SORCS3: variants seen among roughly 807,000 people sequenced by gnomAD.
SORCS3 encodes sortilin related VPS10 domain containing receptor 3.
SORCS3 carries 57 observed loss-of-function variants against 146.3 expected under a neutral mutation model. That is an observed-to-expected ratio of 0.39 (90% CI 0.31 to 0.49). The LOEUF (loss-of-function observed/expected upper bound fraction) is 0.49, where lower values mean the gene tolerates loss of function less well. SORCS3 is among the 20% of genes least tolerant of loss of function. SORCS3 has a pLI of 0.92. For missense variants in SORCS3, 1,341 were observed against 1,575.5 expected (o/e 0.85, Z 2.52); for synonymous variants, 653 against 618.5 (o/e 1.06, Z -0.83).
chr10:104,904,095 G>C (rs752956100), intron 2 of SORCS3, among the ~76,000 whole-genome samples: 1 of 151,920 alleles, frequency 6.6e-6, no homozygotes, highest in Non-Finnish European at 1.5e-5. Flanking sequence ...AATATCTTGG[G>C]GTCCTTAGTA....
At chr10:104,770,881 TA>T (rs1316106071) in intron 1 of SORCS3, among the ~76,000 whole-genome samples, 9 of 152,318 alleles carry the variant, frequency 5.9e-5, no homozygotes, top group African/African-American at 1.9e-4. Context: ...TTATTTTTAA[TA>T]ATTTACTTAA....
chr10:105,080,329 A>G (rs1197456874), intron 5 of SORCS3, among the ~76,000 whole-genome samples: 1 of 152,146 alleles, frequency 6.6e-6, no homozygotes, highest in East Asian at 1.9e-4. Context: ...GCTGTTTTTC[A>G]TATGCTTGCT....
intron 5 of SORCS3, among the ~76,000 whole-genome samples, chr10:105,076,553 C>T (rs975403105): frequency 6.6e-6 from 1 of 152,166 alleles, no homozygotes; most frequent in African/African-American, 2.4e-5. Flanking sequence ...ATGCTGGGTG[C>T]ACAGGCAGCC....
chr10:105,015,500 A>G (rs1209398939), intron 4 of SORCS3, among the ~76,000 whole-genome samples: 1 of 152,192 alleles, frequency 6.6e-6, no homozygotes, highest in Non-Finnish European at 1.5e-5. Flanking sequence ...TGGAAAAAAA[A>G]TCACATCAAA....
intron 1 of SORCS3, among the ~76,000 whole-genome samples, chr10:104,791,831 A>G (rs543110722): frequency 3.9e-4 from 59 of 152,314 alleles, no homozygotes; most frequent in Middle Eastern, 3.4e-3. Context: ...TTCTCCATTC[A>G]TAAGCAGATT....
chr10:105,217,912 G>A (rs920378111), intron 19 of SORCS3: 15 of 453,910 alleles, frequency 3.3e-5, no homozygotes, highest in African/African-American at 1.0e-4. Context: ...AGTGATATTC[G>A]TGGGTCTAAG....
At chr10:104,723,249 T>C (rs2016573857) in intron 1 of SORCS3, among the ~76,000 whole-genome samples, 1 of 152,242 alleles carries the variant, frequency 6.6e-6, no homozygotes, top group African/African-American at 2.4e-5. Context: ...CAGTAGTCAT[T>C]CAGGAGCAGG....
chr10:105,006,977 C>A (rs931736350), intron 4 of SORCS3, among the ~76,000 whole-genome samples: 2 of 152,190 alleles, frequency 1.3e-5, no homozygotes, highest in African/African-American at 4.8e-5. Flanking sequence ...TCTCCTTTGA[C>A]CCAGGCTGCA....
intron 1 of SORCS3, among the ~76,000 whole-genome samples, chr10:104,792,408 A>T (rs146364017): frequency 1.7e-3 from 253 of 152,220 alleles, no homozygotes; most frequent in African/African-American, 6.0e-3. Flanking sequence ...TCAGAACCAC[A>T]TTGTTGGTCC....
intron 4 of SORCS3, among the ~76,000 whole-genome samples, chr10:105,009,740 C>CTT (rs140351593): frequency 1.8e-4 from 27 of 149,840 alleles, no homozygotes; most frequent in Non-Finnish European, 3.0e-4. Context: ...CACTTTTTCA[C>CTT]TTTTTTTTTC....
chr10:104,740,414 T>C (rs2016827938), intron 1 of SORCS3, among the ~76,000 whole-genome samples: 2 of 152,244 alleles, frequency 1.3e-5, no homozygotes, highest in Admixed American at 1.3e-4. Flanking sequence ...TCTCACTTAC[T>C]CCTCCTTCTG....
chr10:104,729,286 C>G (rs2016679567), intron 1 of SORCS3, among the ~76,000 whole-genome samples: 1 of 152,172 alleles, frequency 6.6e-6, no homozygotes, highest in Admixed American at 6.5e-5. Flanking sequence ...AAAAGTCTCT[C>G]TAGATTACCC....
chr10:104,827,694 G>A (rs114883027), intron 1 of SORCS3, among the ~76,000 whole-genome samples: 2,286 of 152,268 alleles, frequency 0.015, 59 homozygotes, highest in African/African-American at 0.052. Flanking sequence ...GCCAGGCATT[G>A]AGTTCTCCTC....
intron 2 of SORCS3, among the ~76,000 whole-genome samples, chr10:104,902,386 A>G (rs1192525865): frequency 6.6e-6 from 1 of 152,140 alleles, no homozygotes; most frequent in African/African-American, 2.4e-5. Context: ...GAGGTCATGG[A>G]CTTGAGGAAT....
chr10:105,263,433 T>G lies in SORCS3; in HGVS notation c.*59T>G. 1 of 1,483,680 alleles carries G rather than the reference T, an allele frequency of 6.7e-7. No homozygotes were observed. Among genetic ancestry groups the G allele is most frequent in the Non-Finnish European group, 9.4e-7 (1 of 1,068,708 alleles). The allele number at this position is 1,483,680 out of a possible 1,614,324, so 91.9% of individuals were successfully genotyped here. On this transcript the variant is annotated 3_prime_UTR_variant, in exon 27 of 27. Transcript: ENST00000369701. ...ACTTTTTATTTTTGATGATTACTATTACTATTATTATGGAAAAATTAAAAT... is the reference window on the plus strand; with the variant it reads ...ACTTTTTATTTTTGATGATTACTATGACTATTATTATGGAAAAATTAAAAT...
intron 5 of SORCS3, among the ~76,000 whole-genome samples, chr10:105,046,221 A>G (rs1423250657): frequency 6.6e-6 from 1 of 152,130 alleles, no homozygotes; most frequent in Non-Finnish European, 1.5e-5. Context: ...TGGTATGTAG[A>G]CAAATAGAGT....
At chr10:105,242,815 A>G (rs1185256159) in intron 20 of SORCS3, among the ~76,000 whole-genome samples, 2 of 63,174 alleles carry the variant, frequency 3.2e-5, no homozygotes, top group East Asian at 8.1e-4. Context: ...ATTTATATAT[A>G]TTTTTATATA....
Position 105,209,345 on chromosome 10 carries a change from G to A in SORCS3, c.2262-1792G>A, listed in dbSNP as rs551808827. On this transcript the variant is annotated intron_variant, in intron 16 of 26. Transcript: ENST00000369701. ...TTTAGTAGAGACGGGGTTTCACCAT[G>A]TTGGCCAGGCTGGTCTCAAACTCCT... Among the ~76,000 whole-genome samples the A allele has an allele frequency of 5.3e-5, 8 of 152,126 alleles. No individual in the cohort carries two copies. In the East Asian group the frequency reaches 1.4e-3, roughly 26 times the overall value.
intron 4 of SORCS3, among the ~76,000 whole-genome samples, chr10:104,995,487 G>A (rs2055021472): frequency 6.6e-6 from 1 of 152,052 alleles, no homozygotes. Flanking sequence ...GATGTGTATT[G>A]GTAGCTCATT....
Sources: allele counts gnomAD v4.1 joint callset (sites outside exome capture counted in the v4.1 genomes callset), GRCh38; gene constraint gnomAD v4.1.1; transcripts MANE v1.5; gene names NCBI Gene and HGNC (gene_info 2026-07-23, HGNC 2026-07-21).